Variants in BRD4 observed in about 807,000 individuals in gnomAD.
The protein encoded by BRD4 is bromodomain containing 4, also known as bromodomain-containing protein 4.
A neutral mutation model predicts 142.1 loss-of-function variants in BRD4; 16 were observed. The ratio of observed to expected loss-of-function variants is 0.11; its 90% CI spans 0.08 to 0.17. BRD4 has a LOEUF of 0.17. BRD4 is among the 10% of genes least tolerant of loss of function. The probability of loss-of-function intolerance (pLI) is 1.00; values close to 1 mark genes in which losing one functional copy is unlikely to be tolerated. For missense variants in BRD4, 1,424 were observed against 1,810.9 expected (o/e 0.79, Z 3.88); for synonymous variants, 833 against 707.5 (o/e 1.18, Z -2.82).
At chr19:15,311,573 C>T (rs1362140669) in intron 1 of BRD4, among the ~76,000 whole-genome samples, 2 of 151,824 alleles carry the variant, frequency 1.3e-5, no homozygotes, top group South Asian at 2.1e-4. Context: ...GGTGGATCAC[C>T]TGAGATCAGG....
chr19:15,264,898 C>A, intron 5 of BRD4, 132 bp from the exon 6 acceptor site: 1 of 1,406,876 alleles, frequency 7.1e-7, no homozygotes, highest in Non-Finnish European at 9.6e-7. Context: ...AAGATAATTG[C>A]ACAGGCAAAG....
intron 10 of BRD4, among the ~76,000 whole-genome samples, chr19:15,254,510 G>A (rs976399532): frequency 6.6e-6 from 1 of 152,198 alleles, no homozygotes; most frequent in Non-Finnish European, 1.5e-5. Flanking sequence ...CCTTTGGGGG[G>A]TTTATCAAGG....
intron 1 of BRD4, among the ~76,000 whole-genome samples, chr19:15,313,943 G>C (rs913801697): frequency 2.0e-5 from 3 of 152,126 alleles, no homozygotes; most frequent in Non-Finnish European, 4.4e-5. Flanking sequence ...AAAACTCCAT[G>C]ATGAGGGAGA....
intron 7 of BRD4, among the ~76,000 whole-genome samples, chr19:15,257,809 G>A (rs1441871352): frequency 3.9e-5 from 6 of 152,200 alleles, no homozygotes; most frequent in Admixed American, 6.5e-5. Context: ...GGTAAGAGAG[G>A]TTTAGGCAGC....
At chr19:15,309,979 T>C (rs2047952523) in intron 1 of BRD4, among the ~76,000 whole-genome samples, 1 of 152,004 alleles carries the variant, frequency 6.6e-6, no homozygotes, top group African/African-American at 2.4e-5. Context: ...TGCTCAAGAG[T>C]TGGTAAGCAC....
At chr19:15,261,711 C>G (rs935879645) in intron 7 of BRD4, among the ~76,000 whole-genome samples, 3 of 151,986 alleles carry the variant, frequency 2.0e-5, no homozygotes, top group Non-Finnish European at 2.9e-5. Flanking sequence ...GAGGCTGAAG[C>G]AGGTGGATCA....
At chr19:15,269,112 G>A (rs2047561731) in intron 2 of BRD4, 70 bp from the exon 3 acceptor site, 4 of 1,580,434 alleles carry the variant, frequency 2.5e-6, no homozygotes, top group Non-Finnish European at 3.4e-6. Flanking sequence ...GGCTGGCCAG[G>A]CTGGCCTGGG....
At position 15,302,956 on chromosome 19, in the gene BRD4, C is replaced by A. The variant is rs182463992; in HGVS notation, c.-35+29334G>T. ...CCGGGAGGCGGAGCTTGCAGTGAGC[C>A]GAGATCGCGCCACTGCACTCCAGCC... On this transcript the variant is annotated intron_variant, in intron 1 of 19. Transcript: ENST00000679869. 2.1e-4 allele frequency among the ~76,000 whole-genome samples: 29 copies of A among 140,960 alleles called. 1 individual carries two copies. In the South Asian group the frequency reaches 6.1e-3, roughly 30 times the overall value. The allele number at this position is 140,960 out of a possible 152,430, so 92.5% of individuals were successfully genotyped here. A position where few individuals can be genotyped will look rare whatever the true frequency, so the allele number is the denominator to read the frequency against.
Position 15,276,276 on chromosome 19 carries a change from A to G in BRD4, c.-34-3143T>C, listed in dbSNP as rs1394031517. Reference sequence around the variant, plus strand: ...GGCAAGAAAGAGAGGTACAGTGAGAAGTCCTATGTGAGACCCAGATGACTT... The same window carrying G: ...GGCAAGAAAGAGAGGTACAGTGAGAGGTCCTATGTGAGACCCAGATGACTT... On this transcript the variant is annotated intron_variant, in intron 1 of 19. Coordinates refer to ENST00000679869, the MANE Select transcript of BRD4 (RefSeq NM_001379291.1). Among the ~76,000 whole-genome samples the G allele has an allele frequency of 2.0e-5, 3 of 152,340 alleles. No homozygotes were observed. In the East Asian group the frequency reaches 5.8e-4, roughly 29 times the overall value.
chr19:15,331,766 C>A (rs2048161489), intron 1 of BRD4: 1 of 150,546 alleles, frequency 6.6e-6, no homozygotes. Context: ...AGCGCCGCGG[C>A]CGAGCCCGCC....
chr19:15,290,952 A>G (rs1320325225), intron 1 of BRD4, among the ~76,000 whole-genome samples: 1 of 152,214 alleles, frequency 6.6e-6, no homozygotes, highest in East Asian at 1.9e-4. Context: ...ACTCTATTGC[A>G]TTAAAGACGC....
chr19:15,291,868 T>C (rs532399302), intron 1 of BRD4, among the ~76,000 whole-genome samples: 1 of 152,168 alleles, frequency 6.6e-6, no homozygotes, highest in Non-Finnish European at 1.5e-5. Flanking sequence ...GCCTAGACAT[T>C]GATTTTAAGA....
chr19:15,237,585 TTAAAAA>T lies in BRD4; in HGVS notation c.*786_*791del, dbSNP rs897417842. 1 of 219,690 alleles carries T rather than the reference TTAAAAA, an allele frequency of 4.6e-6. No homozygotes were observed. Among genetic ancestry groups the T allele is most frequent in the Non-Finnish European group, 9.0e-6 (1 of 111,248 alleles). 13.6% of individuals were successfully genotyped at this position (219,690 alleles called of 1,614,324 possible). A position where few individuals can be genotyped will look rare whatever the true frequency, so the allele number is the denominator to read the frequency against. ...ATTGTGTCTGGAGGAGAAGAGAGAA[TTAAAAA>T]TAAAATAGAATTCAACAAAAAATAT... On this transcript the variant is annotated 3_prime_UTR_variant, in exon 20 of 20. Transcript: ENST00000679869.
intron 1 of BRD4, among the ~76,000 whole-genome samples, chr19:15,297,684 G>A (rs961856753): frequency 3.3e-5 from 5 of 152,170 alleles, no homozygotes; most frequent in African/African-American, 1.2e-4. Context: ...CAGGTTTAGT[G>A]GGAGATGCCC....
chr19:15,244,622 G>A lies in BRD4; in HGVS notation c.2212-22C>T, dbSNP rs201031667. The A allele has an allele frequency of 9.3e-6, 15 of 1,613,580 alleles. No individual in the cohort carries two copies. In the East Asian group the frequency reaches 1.3e-4, roughly 14 times the overall value. On this transcript the variant is annotated intron_variant, in intron 12 of 19. Transcript: ENST00000679869. ...GGTGCTGCAGACAGAGAGACAGACAGACAGACAGGCTGATGTCAGGCAGGC... is the reference window on the plus strand; with the variant it reads ...GGTGCTGCAGACAGAGAGACAGACAAACAGACAGGCTGATGTCAGGCAGGC...
intron 7 of BRD4, among the ~76,000 whole-genome samples, chr19:15,259,599 T>C (rs2047447711): frequency 6.6e-6 from 1 of 152,196 alleles, no homozygotes; most frequent in South Asian, 2.1e-4. Flanking sequence ...GACCCTGTCA[T>C]CCTTCCCTGT....
At chr19:15,309,376 T>C (rs2047946619) in intron 1 of BRD4, among the ~76,000 whole-genome samples, 1 of 149,852 alleles carries the variant, frequency 6.7e-6, no homozygotes, top group Admixed American at 6.6e-5. Context: ...TGTCAATCTC[T>C]GGTAGGTTTA....
intron 1 of BRD4, among the ~76,000 whole-genome samples, chr19:15,328,826 T>A (rs1294027608): frequency 6.6e-6 from 1 of 152,176 alleles, no homozygotes; most frequent in Non-Finnish European, 1.5e-5. Context: ...CAGACTGGAG[T>A]GCAATGGCAT....
chr19:15,314,140 C>T (rs548905940), intron 1 of BRD4, among the ~76,000 whole-genome samples: 11 of 152,178 alleles, frequency 7.2e-5, no homozygotes, highest in African/African-American at 2.2e-4. Flanking sequence ...AACTTTCGTT[C>T]GCACTTCACA....
Sources: gnomAD v4.1 joint callset for allele counts (sites outside exome capture counted in the v4.1 genomes callset) on GRCh38, gnomAD v4.1.1 for gene constraint, MANE v1.5 for transcripts, NCBI Gene and HGNC (gene_info 2026-07-23, HGNC 2026-07-21) for gene names.